Variants in PNPLA1 observed in about 807,000 individuals in gnomAD.
PNPLA1 encodes the protein omega-hydroxyceramide transacylase.
PNPLA1 carries 36 observed loss-of-function variants against 51.7 expected under a neutral mutation model. The observed-to-expected ratio is 0.70, with a 90% CI of 0.53 to 0.92. The LOEUF (loss-of-function observed/expected upper bound fraction) is 0.92, where lower values mean the gene tolerates loss of function less well. PNPLA1 is among the 40% of genes least tolerant of loss of function. The probability of loss-of-function intolerance (pLI) is 0.00; values close to 1 mark genes in which losing one functional copy is unlikely to be tolerated. For synonymous variants in PNPLA1, 293 were observed against 280.1 expected (o/e 1.05, Z -0.46); for missense variants, 658 against 682.5 (o/e 0.96, Z 0.40).
At chr6:36,256,304 A>C (rs1769531651) in intron 1 of PNPLA1, among the ~76,000 whole-genome samples, 1 of 152,014 alleles carries the variant, frequency 6.6e-6, no homozygotes, top group African/African-American at 2.4e-5. Flanking sequence ...CAGCCTGGGC[A>C]ACATAGGAAG....
chr6:36,306,172 A>G (rs1394736996), intron 6 of PNPLA1, 120 bp from the exon 7 acceptor site: 2 of 742,942 alleles, frequency 2.7e-6, no homozygotes, highest in Non-Finnish European at 4.3e-6. Context: ...TGAGAATTTG[A>G]GGACAAGAGA....
At chr6:36,245,042 C>T (rs767720670) in intron 1 of PNPLA1, among the ~76,000 whole-genome samples, 3 of 152,220 alleles carry the variant, frequency 2.0e-5, no homozygotes, top group East Asian at 1.9e-4. Flanking sequence ...TGGGACATCT[C>T]GAAGCGGGGC....
chr6:36,271,542 T>C (rs1769916762), intron 1 of PNPLA1, among the ~76,000 whole-genome samples: 1 of 152,178 alleles, frequency 6.6e-6, no homozygotes, highest in Admixed American at 6.5e-5. Context: ...AGTGATATGA[T>C]CTATGAATAA....
intron 1 of PNPLA1, among the ~76,000 whole-genome samples, chr6:36,289,162 C>A (rs928799614): frequency 2.0e-5 from 3 of 152,118 alleles, no homozygotes; most frequent in African/African-American, 7.2e-5. Flanking sequence ...AGTTTTTCCA[C>A]AATAAGCATG....
chr6:36,288,446 T>A (rs1770571112), intron 1 of PNPLA1, among the ~76,000 whole-genome samples: 1 of 49,602 alleles, frequency 2.0e-5, no homozygotes, highest in African/African-American at 1.1e-4. Context: ...AGACCCTATT[T>A]TTTTTTTTTT....
chr6:36,251,936 C>A (rs1429597865), intron 1 of PNPLA1, among the ~76,000 whole-genome samples: 2 of 151,904 alleles, frequency 1.3e-5, no homozygotes, highest in African/African-American at 2.4e-5. Flanking sequence ...CAGAGCAAGA[C>A]CCTGTCTCCA....
At chr6:36,257,697 T>G (rs540836504) in intron 1 of PNPLA1, among the ~76,000 whole-genome samples, 37 of 152,364 alleles carry the variant, frequency 2.4e-4, no homozygotes, top group Middle Eastern at 6.8e-3. Flanking sequence ...ATGGTTATAA[T>G]AGCTGCTTTA....
intron 1 of PNPLA1, among the ~76,000 whole-genome samples, chr6:36,260,779 T>G (rs1306177346): frequency 1.3e-5 from 2 of 152,224 alleles, no homozygotes; most frequent in African/African-American, 4.8e-5. Context: ...ATTTTGTTTT[T>G]CTAAGATTAC....
intron 2 of PNPLA1, among the ~76,000 whole-genome samples, chr6:36,292,411 C>G (rs751524110): frequency 6.6e-6 from 1 of 152,152 alleles, no homozygotes; most frequent in Non-Finnish European, 1.5e-5. Flanking sequence ...CCCTCTCCCC[C>G]ACCTTCCACT....
chr6:36,300,945 T>C (rs1771022660), intron 5 of PNPLA1, among the ~76,000 whole-genome samples: 1 of 152,248 alleles, frequency 6.6e-6, no homozygotes, highest in Non-Finnish European at 1.5e-5. Flanking sequence ...TTCATGGTTA[T>C]GTTATACTTT....
chr6:36,259,842 G>A (rs1769609992), intron 1 of PNPLA1, among the ~76,000 whole-genome samples: 1 of 152,140 alleles, frequency 6.6e-6, no homozygotes, highest in African/African-American at 2.4e-5. Flanking sequence ...GGGAGGGAGG[G>A]AGGAGGGCAA....
At chr6:36,255,070 C>T (rs1359156676) in intron 1 of PNPLA1, among the ~76,000 whole-genome samples, 1 of 152,180 alleles carries the variant, frequency 6.6e-6, no homozygotes, top group Non-Finnish European at 1.5e-5. Flanking sequence ...ATCTTATTTC[C>T]TCTTCTATAA....
At chr6:36,300,952 C>T (rs1433721539) in intron 5 of PNPLA1, among the ~76,000 whole-genome samples, 2 of 152,172 alleles carry the variant, frequency 1.3e-5, no homozygotes, top group African/African-American at 4.8e-5. Context: ...TTATGTTATA[C>T]TTTGGGTTAT....
chr6:36,261,510 A>G (rs373947130), intron 1 of PNPLA1, among the ~76,000 whole-genome samples: 23 of 152,354 alleles, frequency 1.5e-4, no homozygotes, highest in African/African-American at 4.8e-4. Flanking sequence ...TAAATTAACA[A>G]GTTAGGTTAC....
At chr6:36,304,123 G>A (rs1404172804) in intron 6 of PNPLA1, among the ~76,000 whole-genome samples, 2 of 152,110 alleles carry the variant, frequency 1.3e-5, no homozygotes, top group Non-Finnish European at 1.5e-5. Flanking sequence ...CTTGTGTGTG[G>A]CCACCATGGA....
rs575846688 is a variant in PNPLA1, at chr6:36,294,451, G to A, written c.714+52G>A. ...TAGCAGAAGGTACCAGGGACTAGGG[G>A]TGGGGTTAGAGAGCCACTGGGGCCC... is the stretch of plus-strand genomic sequence containing the variant. On this transcript the variant is annotated intron_variant, in intron 4 of 8. Coordinates refer to ENST00000636260, the MANE Select transcript of PNPLA1 (RefSeq NM_001374623.1). This position sits in a 1 kb window ranked among gnomAD's most constrained non-coding sequence, Gnocchi z 4.2. The A allele has an allele frequency of 2.6e-6, 4 of 1,563,576 alleles. No homozygotes were observed. Among genetic ancestry groups the A allele is most frequent in the South Asian group, 1.1e-5 (1 of 87,902 alleles).
rs1325377739 is a variant in PNPLA1, at chr6:36,300,160, C to CG, written c.776-1701_776-1700insG. ...AACAGTTTCTCAGACTTTTCTTATT[C>CG]TTGTGTGTGTGTGTGTGTGAGAGAG... On this transcript the variant is annotated intron_variant, in intron 5 of 8. Transcript: ENST00000636260. 5.6e-4 allele frequency among the ~76,000 whole-genome samples: 38 copies of CG among 67,576 alleles called. 1 individual carries two copies. In the Admixed American group the frequency reaches 6.1e-3, roughly 11 times the overall value. The allele number at this position is 67,576 out of a possible 152,430, so 44.3% of individuals were successfully genotyped here. A position where few individuals can be genotyped will look rare whatever the true frequency, so the allele number is the denominator to read the frequency against.
At chr6:36,261,561 C>T (rs1213466612) in intron 1 of PNPLA1, among the ~76,000 whole-genome samples, 1 of 152,232 alleles carries the variant, frequency 6.6e-6, no homozygotes, top group Non-Finnish European at 1.5e-5. Context: ...AACGTGTGTT[C>T]ACCTCAGACG....
intron 1 of PNPLA1, among the ~76,000 whole-genome samples, chr6:36,273,433 G>A (rs1399934528): frequency 1.3e-5 from 2 of 151,728 alleles, no homozygotes; most frequent in Non-Finnish European, 2.9e-5. Context: ...CTTCCCCACT[G>A]AACTCCAGGC....
Sources: gnomAD v4.1 joint callset for allele counts (sites outside exome capture counted in the v4.1 genomes callset) on GRCh38, gnomAD v4.1.1 for gene constraint, Gnocchi (gnomAD v3.1) non-coding constraint, MANE v1.5 for transcripts, NCBI Gene and HGNC (gene_info 2026-07-23, HGNC 2026-07-21) for gene names.